Variants in PDZD2 observed in about 807,000 individuals in gnomAD.
PDZD2 encodes PDZ domain-containing protein 2.
Under a neutral mutation model 220.7 loss-of-function variants are expected in PDZD2, and 90 were observed. The ratio of observed to expected loss-of-function variants is 0.41; its 90% confidence interval spans 0.34 to 0.49. PDZD2 has a LOEUF of 0.49. Ranked by LOEUF, PDZD2 falls within the 20% of genes least tolerant of loss-of-function variation. PDZD2 has a pLI of 0.28. For missense variants in PDZD2, 3,174 were observed against 3,608.5 expected (o/e 0.88, Z 3.08); for synonymous variants, 1,375 against 1,450.5 (o/e 0.95, Z 1.18).
intron 2 of PDZD2, among the ~76,000 whole-genome samples, chr5:31,916,361 G>T (rs1255624446): frequency 6.6e-6 from 1 of 152,250 alleles, no homozygotes; most frequent in East Asian, 1.9e-4. Context: ...CCCTCCAGGG[G>T]AGGGTGCCCT....
intron 1 of PDZD2, among the ~76,000 whole-genome samples, chr5:31,737,167 C>CTTTTTTTTTT: frequency 1.5e-5 from 1 of 66,322 alleles, no homozygotes; most frequent in African/African-American, 6.4e-5. Flanking sequence ...CAGTCTACTT[C>CTTTTTTTTTT]TTTTTTTTTT....
chr5:32,096,033 G>A (rs115507753), intron 21 of PDZD2, among the ~76,000 whole-genome samples: 1,784 of 150,660 alleles, frequency 0.012, 15 homozygotes, highest in Middle Eastern at 0.059. Flanking sequence ...GTGAGCCACC[G>A]CACCCGGCGT....
chr5:31,823,427 C>T (rs1756026900), intron 2 of PDZD2, among the ~76,000 whole-genome samples: 1 of 152,112 alleles, frequency 6.6e-6, no homozygotes, highest in African/African-American at 2.4e-5. Flanking sequence ...AAGATCGCGC[C>T]ATTGCACTCC....
intron 1 of PDZD2, among the ~76,000 whole-genome samples, chr5:31,797,286 A>G (rs1754104938): frequency 6.6e-6 from 1 of 151,142 alleles, no homozygotes; most frequent in Admixed American, 6.6e-5. Flanking sequence ...CTCAACTGTG[A>G]CTAACATCCT....
At chr5:31,696,909 C>A (rs1285905489) in intron 1 of PDZD2, among the ~76,000 whole-genome samples, 1 of 152,164 alleles carries the variant, frequency 6.6e-6, no homozygotes, top group Non-Finnish European at 1.5e-5. Flanking sequence ...AGTGGTTCTG[C>A]TTGTTCATCT....
At chr5:31,830,332 A>ATTTTTTT (rs11447724) in intron 2 of PDZD2, among the ~76,000 whole-genome samples, 7 of 123,732 alleles carry the variant, frequency 5.7e-5, no homozygotes, top group African/African-American at 1.6e-4. Flanking sequence ...CGCCCAGCTA[A>ATTTTTTT]TTTTTTTTTT....
intron 1 of PDZD2, among the ~76,000 whole-genome samples, chr5:31,770,270 C>T (rs1752260928): frequency 6.6e-6 from 1 of 152,176 alleles, no homozygotes; most frequent in Non-Finnish European, 1.5e-5. Flanking sequence ...CTCACACACT[C>T]GGGTCTCCCA....
chr5:32,101,853 C>G (rs1744281257), intron 24 of PDZD2, among the ~76,000 whole-genome samples: 1 of 152,170 alleles, frequency 6.6e-6, no homozygotes, highest in South Asian at 2.1e-4. Context: ...TATATTAACT[C>G]ATAATTGTAC....
chr5:31,994,945 T>C (rs930417462), intron 3 of PDZD2, among the ~76,000 whole-genome samples: 6 of 152,196 alleles, frequency 3.9e-5, no homozygotes, highest in Non-Finnish European at 8.8e-5. Context: ...AATTCCCAAT[T>C]TGGAGGCAAG....
chr5:31,953,312 A>T (rs1213287196), intron 2 of PDZD2, among the ~76,000 whole-genome samples: 3 of 152,174 alleles, frequency 2.0e-5, no homozygotes, highest in Admixed American at 2.0e-4. Context: ...ATTGCCTAAA[A>T]CTTTGGGAAA....
intron 1 of PDZD2, among the ~76,000 whole-genome samples, chr5:31,732,896 T>G (rs545054516): frequency 5.3e-5 from 8 of 152,212 alleles, no homozygotes; most frequent in Non-Finnish European, 8.8e-5. Flanking sequence ...GCTCCGCTAA[T>G]TTTTGTATTT....
intron 2 of PDZD2, among the ~76,000 whole-genome samples, chr5:31,802,039 G>C (rs535541943): frequency 1.3e-5 from 2 of 152,142 alleles, no homozygotes; most frequent in Non-Finnish European, 2.9e-5. Flanking sequence ...AAGGTGATGG[G>C]CCAGGGTCAT....
intron 2 of PDZD2, among the ~76,000 whole-genome samples, chr5:31,862,101 G>GTTGTTTTTT (rs768772887): frequency 2.5e-5 from 2 of 78,500 alleles, no homozygotes; most frequent in East Asian, 3.9e-4. Context: ...TTTTTTTTGG[G>GTTGTTTTTT]TTTTTTTTTT....
intron 14 of PDZD2, among the ~76,000 whole-genome samples, chr5:32,069,246 A>G (rs1050716641): frequency 2.7e-5 from 4 of 148,702 alleles, no homozygotes; most frequent in Admixed American, 2.0e-4. Flanking sequence ...AGCTTGGGTA[A>G]CAGAGAGACT....
At chr5:31,774,948 A>G (rs931567724) in intron 1 of PDZD2, among the ~76,000 whole-genome samples, 1 of 152,162 alleles carries the variant, frequency 6.6e-6, no homozygotes, top group Middle Eastern at 3.2e-3. Context: ...GCATTTGCCA[A>G]TTTCTGTGGT....
chr5:31,996,789 G>A (rs1751671707), intron 4 of PDZD2, among the ~76,000 whole-genome samples: 2 of 152,318 alleles, frequency 1.3e-5, no homozygotes, highest in South Asian at 4.1e-4. Flanking sequence ...ACTCAGGTGG[G>A]AGGATCACTT....
At chr5:31,695,976 G>C (rs1747361757) in intron 1 of PDZD2, among the ~76,000 whole-genome samples, 1 of 152,136 alleles carries the variant, frequency 6.6e-6, no homozygotes, top group African/African-American at 2.4e-5. Flanking sequence ...TTTGCCAGCT[G>C]TCTTATCTTT....
At chr5:31,824,107 G>C (rs1030976429) in intron 2 of PDZD2, among the ~76,000 whole-genome samples, 1 of 152,122 alleles carries the variant, frequency 6.6e-6, no homozygotes, top group African/African-American at 2.4e-5. Context: ...AGGTCAAAGT[G>C]ATCTTTTTGC....
chr5:31,870,875 C>T (rs1359955471), intron 2 of PDZD2, among the ~76,000 whole-genome samples: 3 of 141,926 alleles, frequency 2.1e-5, no homozygotes, highest in East Asian at 2.0e-4. Context: ...TGCGACAGAT[C>T]GAGACTCTGT....
Sources: allele counts gnomAD v4.1 joint callset (sites outside exome capture counted in the v4.1 genomes callset), GRCh38; gene constraint gnomAD v4.1.1; transcripts MANE v1.5; gene names NCBI Gene and HGNC (gene_info 2026-07-23, HGNC 2026-07-21).